DOCK7: variants seen among roughly 807,000 people sequenced by gnomAD.
The protein encoded by DOCK7 is dedicator of cytokinesis protein 7.
In DOCK7, 138 loss-of-function variants were observed where a neutral mutation model predicts 271.0. That is an observed-to-expected ratio of 0.51 (90% CI 0.44 to 0.59). The LOEUF (loss-of-function observed/expected upper bound fraction) is 0.59, where lower values mean the gene tolerates loss of function less well. Ranked by LOEUF, DOCK7 falls within the 20% of genes least tolerant of loss-of-function variation. DOCK7 has a pLI of 0.00. For synonymous variants in DOCK7, 823 were observed against 876.1 expected, an observed-to-expected ratio of 0.94 and a Z score of 1.07; for missense variants, 2,066 against 2,592.4, an observed-to-expected ratio of 0.80 and a Z score of 4.41.
chr1:62,578,922 G>A lies in DOCK7; in HGVS notation c.1916C>T (p.Thr639Ile), dbSNP rs202089460. 4 of 1,602,324 alleles carry A rather than the reference G, an allele frequency of 2.5e-6. No individual in the cohort carries two copies. The African/African-American group carries it at 4.1e-5, about 16-fold the overall frequency. Residue 639 changes from threonine to isoleucine, a missense_variant, in exon 17 of 50, where the codon ACT becomes ATT. Around this residue, in one of 2 missense-constraint regions of DOCK7, gnomAD observed 1,414 missense variants for 1,670.4 expected, o/e 0.85. Coordinates refer to ENST00000635253, the MANE Select transcript of DOCK7 (RefSeq NM_001367561.1). ...HEEIKVKLPA[T>I]LTDHHHLLFT... is the part of the protein sequence containing the mutation. ...AAGCAAGTGATGATGGTCAGTTAAAGTAGCAGGAAGCTTAACCTTGATTTC... is the reference window on the plus strand; with the variant it reads ...AAGCAAGTGATGATGGTCAGTTAAAATAGCAGGAAGCTTAACCTTGATTTC...
chr1:62,568,741 C>T (rs946663339), intron 18 of DOCK7, among the ~76,000 whole-genome samples: 2 of 149,366 alleles, frequency 1.3e-5, no homozygotes, highest in Non-Finnish European at 3.0e-5. Context: ...TAACCAAGAT[C>T]AGAGCAGAAG....
At chr1:62,493,133 A>G (rs1329198947) in intron 40 of DOCK7, among the ~76,000 whole-genome samples, 1 of 152,186 alleles carries the variant, frequency 6.6e-6, no homozygotes, top group Non-Finnish European at 1.5e-5. Context: ...AAGACATCTA[A>G]GGAGACATCA....
Position 62,506,041 on chromosome 1 carries a change from A to AAATTT in DOCK7, c.4477-226_4477-225insAAATT, listed in dbSNP as rs1646926646. Among the ~76,000 whole-genome samples the AAATTT allele has an allele frequency of 2.0e-5, 3 of 152,236 alleles. No homozygotes were observed. The South Asian group carries it at 6.2e-4, about 32-fold the overall frequency. ...AATAAATATAATTTAAATGAGAAAA[A>AAATTT]ACAGGAGTAAGATACAATGGCAAGA... On this transcript the variant is annotated intron_variant, in intron 35 of 49. Transcript: ENST00000635253.
At chr1:62,481,223 G>A (rs1646116659) in intron 43 of DOCK7, among the ~76,000 whole-genome samples, 1 of 152,104 alleles carries the variant, frequency 6.6e-6, no homozygotes, top group Non-Finnish European at 1.5e-5. Context: ...CAGTGTGGTT[G>A]GAGCAGAGTA....
At chr1:62,671,768 T>C (rs895491156) in intron 1 of DOCK7, among the ~76,000 whole-genome samples, 1 of 152,160 alleles carries the variant, frequency 6.6e-6, no homozygotes, top group African/African-American at 2.4e-5. Context: ...CAAAACACAA[T>C]ACTCTCCTAT....
At chr1:62,675,834 T>C (rs1256511596) in intron 1 of DOCK7, among the ~76,000 whole-genome samples, 1 of 150,500 alleles carries the variant, frequency 6.6e-6, no homozygotes, top group South Asian at 2.1e-4. Context: ...CAAATTTAAA[T>C]CACAATGAAA....
chr1:62,604,468 C>T, intron 14 of DOCK7: 1 of 909,020 alleles, frequency 1.1e-6, no homozygotes, highest in Non-Finnish European at 1.7e-6. Flanking sequence ...ATTATTTATA[C>T]AGATTATTTA....
At chr1:62,475,168 T>C (rs1645933949) in intron 47 of DOCK7, 40 bp downstream of exon 47, 2 of 1,565,312 alleles carry the variant, frequency 1.3e-6, no homozygotes, top group East Asian at 4.6e-5. Flanking sequence ...CAAATCGTAT[T>C]TACAGCTTAA....
rs374817076 is a variant in DOCK7, at chr1:62,672,796, G to A, written c.39-9666C>T. 3.9e-5 allele frequency among the ~76,000 whole-genome samples: 6 copies of A among 152,044 alleles called. No individual in the cohort carries two copies. In the South Asian group the frequency reaches 6.2e-4, roughly 16 times the overall value. On this transcript the variant is annotated intron_variant, in intron 1 of 49. Transcript: ENST00000635253. ...CCAAGTTTATGAAAGGTAGAGGCAG[G>A]GTTTGAATTCAGATCCATAAAGCTC...
chr1:62,542,305 C>T (rs1245930087), intron 25 of DOCK7, among the ~76,000 whole-genome samples: 1 of 152,040 alleles, frequency 6.6e-6, no homozygotes, highest in Non-Finnish European at 1.5e-5. Context: ...TGTCATTATA[C>T]ACTTCATGTA....
chr1:62,673,015 C>G (rs1660178576), intron 1 of DOCK7, among the ~76,000 whole-genome samples: 1 of 152,100 alleles, frequency 6.6e-6, no homozygotes, highest in Admixed American at 6.5e-5. Context: ...TGATCTGTTT[C>G]CTATCCTTCA....
At chr1:62,547,731 C>A (rs1571493019) in intron 22 of DOCK7, among the ~76,000 whole-genome samples, 1 of 152,140 alleles carries the variant, frequency 6.6e-6, no homozygotes, top group African/African-American at 2.4e-5. Context: ...AAGACGATTA[C>A]TAGAATTAAG....
intron 4 of DOCK7, among the ~76,000 whole-genome samples, chr1:62,652,160 CA>C (rs1168919586): frequency 6.6e-6 from 1 of 152,148 alleles, no homozygotes; most frequent in Non-Finnish European, 1.5e-5. Flanking sequence ...ACTACATATC[CA>C]ATATTTACCA....
intron 34 of DOCK7, among the ~76,000 whole-genome samples, chr1:62,509,915 T>C (rs1273914643): frequency 6.6e-6 from 1 of 152,216 alleles, no homozygotes; most frequent in Non-Finnish European, 1.5e-5. Context: ...CAATCAGTGC[T>C]ATAACTGGGA....
intron 31 of DOCK7, among the ~76,000 whole-genome samples, chr1:62,524,325 A>G (rs1016176542): frequency 2.0e-5 from 3 of 152,216 alleles, no homozygotes; most frequent in African/African-American, 7.2e-5. Context: ...CCTGGTATAG[A>G]TTAAGATACC....
Position 62,619,895 on chromosome 1 carries a change from A to G in DOCK7, c.1519+5T>C. The G allele has an allele frequency of 6.3e-7, 1 of 1,599,232 alleles. No homozygotes were observed. Among genetic ancestry groups the G allele is most frequent in the Non-Finnish European group, 8.5e-7 (1 of 1,171,046 alleles). On this transcript the variant is annotated splice_donor_5th_base_variant and intron_variant, in intron 13 of 49. Transcript: ENST00000635253. ...CAACCATTTCTACTCAAAATTTTTA[A>G]ATACCTGTAATAGGTCTTAGTCGCC...
chr1:62,618,260 T>C (rs1652705284), intron 14 of DOCK7, among the ~76,000 whole-genome samples: 1 of 152,134 alleles, frequency 6.6e-6, no homozygotes, highest in Non-Finnish European at 1.5e-5. Context: ...TAGAACATAA[T>C]GCAGGCACAT....
chr1:62,545,800 A>T (rs1256400104), intron 22 of DOCK7, among the ~76,000 whole-genome samples: 1 of 152,122 alleles, frequency 6.6e-6, no homozygotes, highest in Non-Finnish European at 1.5e-5. Flanking sequence ...TCTCTGTCTG[A>T]AAGGGGTTAC....
Position 62,495,624 on chromosome 1 carries a change from C to G in DOCK7, c.4981G>C (p.Glu1661Gln). The G allele has an allele frequency of 6.3e-7, 1 of 1,588,906 alleles. No individual in the cohort carries two copies. The highest frequency in any genetic ancestry group is 8.5e-7 in the Non-Finnish European group (1 of 1,173,912). ...AACATTTCAGGATCCTCCTGGTGTT[C>G]CTTCATTTTCACAGTATCAGAAAGA... Reference protein sequence around the residue: ...MILSDTVKMKEHQEDPEMLID... With the variant: ...MILSDTVKMKQHQEDPEMLID... The change falls in exon 39 of 50, where the codon GAA becomes CAA. Residue 1661 changes from glutamate (E) to glutamine (Q), a missense_variant. This residue lies in a region of DOCK7 where 652 missense variants were observed against 922.1 expected (regional missense o/e 0.71). Transcript: ENST00000635253.
Sources: allele counts gnomAD v4.1 joint callset (sites outside exome capture counted in the v4.1 genomes callset), GRCh38; gene constraint gnomAD v4.1.1; regional missense constraint gnomAD v4.1.1; transcripts MANE v1.5; gene names NCBI Gene and HGNC (gene_info 2026-07-23, HGNC 2026-07-21).